PLCB1: variants seen among roughly 807,000 people sequenced by gnomAD.
PLCB1 encodes the protein 1-phosphatidylinositol 4,5-bisphosphate phosphodiesterase beta-1.
PLCB1 carries 46 observed loss-of-function variants against 161.8 expected under a neutral mutation model. The ratio of observed to expected loss-of-function variants is 0.28; its 90% CI spans 0.22 to 0.36. The LOEUF is 0.36. PLCB1 is among the 10% of genes least tolerant of loss of function. The probability of loss-of-function intolerance (pLI) is 1.00; values close to 1 mark genes in which losing one functional copy is unlikely to be tolerated. For missense variants in PLCB1, 1,016 were observed against 1,472.5 expected (o/e 0.69, Z 5.07); for synonymous variants, 517 against 503.7 (o/e 1.03, Z -0.35).
rs151025537 is a variant in PLCB1 at position 8,708,637 on chromosome 20, G to A, written c.1168-33G>A. Reference sequence around the variant, plus strand: ...AAGAATATACAGATGAAAAATTCTGGCATACTGAATATACATGTGTTCTCA... The same window carrying A: ...AAGAATATACAGATGAAAAATTCTGACATACTGAATATACATGTGTTCTCA... On this transcript the variant is annotated intron_variant, in intron 11 of 31. Transcript: ENST00000338037. 1,531 of 1,323,106 alleles carry A rather than the reference G, an allele frequency of 1.2e-3. 16 individuals carry two copies. In the African/African-American group the frequency reaches 0.02, roughly 17 times the overall value. The allele number at this position is 1,323,106 out of a possible 1,614,324, so 82.0% of individuals were successfully genotyped here.
intron 3 of PLCB1, among the ~76,000 whole-genome samples, chr20:8,588,610 G>T (rs1987057470): frequency 6.6e-6 from 1 of 152,140 alleles, no homozygotes; most frequent in South Asian, 2.1e-4. Context: ...CATCTGAGAA[G>T]CATGTGCACA....
At position 8,837,449 on chromosome 20, in the gene PLCB1, A is replaced by T. The variant is rs149571776; in HGVS notation, c.3424-44173A>T. On this transcript the variant is annotated intron_variant, in intron 31 of 31. Coordinates refer to ENST00000338037, the MANE Select transcript of PLCB1 (RefSeq NM_015192.4). Reference sequence around the variant, plus strand: ...AAATTAGATCAAAATGAATTTATTGATATGGATAAAGGAAGCAGACAGCAT... The same window carrying T: ...AAATTAGATCAAAATGAATTTATTGTTATGGATAAAGGAAGCAGACAGCAT... Among the ~76,000 whole-genome samples the T allele has an allele frequency of 1.2e-3, 180 of 152,342 alleles. 1 individual carries two copies. The highest frequency in any genetic ancestry group is 3.0e-3 in the African/African-American group (126 of 41,578).
In PLCB1 at chr20:8,547,099, C is replaced by T. The variant is rs188863746; in HGVS notation, c.247-81195C>T. On this transcript the variant is annotated intron_variant, in intron 3 of 31. Transcript: ENST00000338037. ...TAACAGGAATTCTTCTCTGAAGAAC[C>T]CAGAGTGGCAGACTATCACTTCACA... 3.6e-3 allele frequency among the ~76,000 whole-genome samples: 551 copies of T among 152,214 alleles called. 2 individuals are homozygous for T. Among genetic ancestry groups the T allele is most frequent in the Middle Eastern group, 6.8e-3 (2 of 294 alleles).
At chr20:8,596,957 C>A (rs1600179763) in intron 3 of PLCB1, among the ~76,000 whole-genome samples, 1 of 152,256 alleles carries the variant, frequency 6.6e-6, no homozygotes, top group Non-Finnish European at 1.5e-5. Flanking sequence ...GATTTTGTAT[C>A]CTGAGACTTT....
intron 2 of PLCB1, among the ~76,000 whole-genome samples, chr20:8,162,678 G>C (rs534271556): frequency 1.3e-5 from 2 of 152,282 alleles, no homozygotes; most frequent in African/African-American, 4.8e-5. Context: ...CTCCACTTAG[G>C]AACAGTGGTC....
At chr20:8,436,173 A>G (rs1195625148) in intron 3 of PLCB1, among the ~76,000 whole-genome samples, 1 of 152,046 alleles carries the variant, frequency 6.6e-6, no homozygotes. Flanking sequence ...TGTCTCTACT[A>G]AAAACACAAA....
chr20:8,140,893 G>A (rs1251052293), intron 1 of PLCB1, among the ~76,000 whole-genome samples: 1 of 151,810 alleles, frequency 6.6e-6, no homozygotes, highest in South Asian at 2.1e-4. Flanking sequence ...CTGCCTCCCC[G>A]GTTCAAGCGA....
chr20:8,527,129 A>T (rs542691277), intron 3 of PLCB1, among the ~76,000 whole-genome samples: 1 of 152,244 alleles, frequency 6.6e-6, no homozygotes, highest in Admixed American at 6.5e-5. Flanking sequence ...AAGATTTAGT[A>T]AGGTAATTTT....
chr20:8,728,326 C>T (rs1205387779), intron 17 of PLCB1, among the ~76,000 whole-genome samples: 1 of 152,022 alleles, frequency 6.6e-6, no homozygotes, highest in African/African-American at 2.4e-5. Flanking sequence ...CCTAACCAAC[C>T]TTCACCTAAC....
chr20:8,278,415 A>G (rs996227382), intron 2 of PLCB1, among the ~76,000 whole-genome samples: 1 of 147,842 alleles, frequency 6.8e-6, no homozygotes, highest in Non-Finnish European at 1.5e-5. Flanking sequence ...GCAGACACAC[A>G]TAAGAAACAA....
intron 3 of PLCB1, among the ~76,000 whole-genome samples, chr20:8,535,795 G>C (rs561713445): frequency 6.6e-6 from 1 of 152,184 alleles, no homozygotes; most frequent in African/African-American, 2.4e-5. Context: ...GAAAATAACA[G>C]GATGCTATTT....
In PLCB1 at chr20:8,719,797, G is replaced by C. The variant is rs540496875; in HGVS notation, c.1513+1949G>C. On this transcript the variant is annotated intron_variant, in intron 14 of 31. Transcript: ENST00000338037. The stretch of plus-strand genomic sequence containing the variant: ...ACGACGTGTACTTTTCTGTACGCCT[G>C]TTATACATCAGTTATAAGATTTTAA... 6.6e-5 allele frequency among the ~76,000 whole-genome samples: 10 copies of C among 152,118 alleles called. No homozygotes were observed. In the South Asian group the frequency reaches 2.1e-3, roughly 32 times the overall value.
intron 3 of PLCB1, among the ~76,000 whole-genome samples, chr20:8,626,553 G>A (rs868746397): frequency 1.3e-5 from 2 of 152,136 alleles, no homozygotes; most frequent in Non-Finnish European, 1.5e-5. Context: ...AAAAGCCGGA[G>A]AATGAGTTGT....
At chr20:8,814,577 A>ATGTGTGTGTGTGTGTGTGTGTG in intron 31 of PLCB1, among the ~76,000 whole-genome samples, 1 of 145,290 alleles carries the variant, frequency 6.9e-6, no homozygotes, top group South Asian at 2.3e-4. Context: ...ATGTACTTGC[A>ATGTGTGTGTGTGTGTGTGTGTG]TGTGTGTGTG....
At chr20:8,277,288 A>G (rs534426459) in intron 2 of PLCB1, among the ~76,000 whole-genome samples, 59 of 152,162 alleles carry the variant, frequency 3.9e-4, no homozygotes, top group Admixed American at 3.5e-3. Flanking sequence ...ATACCAAGCC[A>G]TGTATAAAAG....
intron 2 of PLCB1, among the ~76,000 whole-genome samples, chr20:8,181,142 G>A (rs1057461573): frequency 4.6e-5 from 7 of 151,298 alleles, no homozygotes; most frequent in South Asian, 2.1e-4. Context: ...CCAGCTACTC[G>A]GGAGGCTGAG....
Position 8,684,857 on chromosome 20 carries a change from A to G in PLCB1, c.863-75A>G, listed in dbSNP as rs1441097950. 1.5e-5 allele frequency: 10 copies of G among 647,858 alleles called. No homozygotes were observed. The East Asian group carries it at 5.7e-4, about 37-fold the overall frequency. 40.1% of individuals were successfully genotyped at this position (647,858 alleles called of 1,614,324 possible). A position where few individuals can be genotyped will look rare whatever the true frequency, so the allele number is the denominator to read the frequency against. On this transcript the variant is annotated intron_variant, in intron 9 of 31. Coordinates refer to ENST00000338037, the MANE Select transcript of PLCB1 (RefSeq NM_015192.4). ...TTGGACACTACAAGATATTTCTGGA[A>G]AAAAAAAAAAAAAGAGGCGACTTGA...
intron 3 of PLCB1, among the ~76,000 whole-genome samples, chr20:8,457,607 C>T (rs1287462602): frequency 6.6e-6 from 1 of 151,984 alleles, no homozygotes; most frequent in Non-Finnish European, 1.5e-5. Flanking sequence ...TTTATTATTG[C>T]CCATTACTAG....
intron 2 of PLCB1, among the ~76,000 whole-genome samples, chr20:8,216,734 T>C (rs560985465): frequency 2.0e-5 from 3 of 152,212 alleles, no homozygotes; most frequent in African/African-American, 4.8e-5. Flanking sequence ...AAAAATGATA[T>C]AGCATAAGAG....
Sources: gnomAD v4.1 joint callset for allele counts (sites outside exome capture counted in the v4.1 genomes callset) on GRCh38, gnomAD v4.1.1 for gene constraint, MANE v1.5 for transcripts, NCBI Gene and HGNC (gene_info 2026-07-23, HGNC 2026-07-21) for gene names.